Variants in DYRK1A observed in about 807,000 individuals in gnomAD.
DYRK1A encodes dual specificity tyrosine-phosphorylation-regulated kinase 1A.
Under a neutral mutation model 79.7 loss-of-function variants are expected in DYRK1A, and 9 were observed. That is an observed-to-expected ratio of 0.11 (90% CI 0.07 to 0.20). The LOEUF is 0.20. Ranked by LOEUF, DYRK1A falls within the 10% of genes least tolerant of loss-of-function variation. The pLI is 1.00. For synonymous variants in DYRK1A, 349 were observed against 329.7 expected (o/e 1.06, Z -0.63); for missense variants, 622 against 956.0 (o/e 0.65, Z 4.61).
At chr21:37,378,866 A>C (rs1203321189) in intron 1 of DYRK1A, among the ~76,000 whole-genome samples, 1 of 152,182 alleles carries the variant, frequency 6.6e-6, no homozygotes. Context: ...TAAGACAATT[A>C]TGGGGATTCG....
At chr21:37,502,627 G>A (rs867988869) in intron 9 of DYRK1A, 1 of 152,048 alleles carries the variant, frequency 6.6e-6, no homozygotes, top group Non-Finnish European at 1.5e-5. Flanking sequence ...ACACAAAAAA[G>A]AAATTTAAAA....
intron 2 of DYRK1A, among the ~76,000 whole-genome samples, chr21:37,468,114 C>CA (rs1555975547): frequency 1.3e-5 from 2 of 151,716 alleles, no homozygotes; most frequent in Non-Finnish European, 1.5e-5. Flanking sequence ...AACTTACTTA[C>CA]TTTTTTTTTC....
chr21:37,408,236 C>T (rs1209258995), intron 1 of DYRK1A, among the ~76,000 whole-genome samples: 2 of 152,290 alleles, frequency 1.3e-5, no homozygotes, highest in East Asian at 3.9e-4. Context: ...CTGCTTTTGT[C>T]CAGTAGCTCA....
At chr21:37,457,015 T>G (rs1298746883) in intron 2 of DYRK1A, among the ~76,000 whole-genome samples, 1 of 114,778 alleles carries the variant, frequency 8.7e-6, no homozygotes, top group African/African-American at 3.8e-5. Flanking sequence ...AAAGAAAATT[T>G]ACTTACTTAC....
chr21:37,386,432 A>G (rs936665386), intron 1 of DYRK1A, among the ~76,000 whole-genome samples: 1 of 152,158 alleles, frequency 6.6e-6, no homozygotes, highest in Non-Finnish European at 1.5e-5. Flanking sequence ...TCATGGACGA[A>G]ATTGAAGACA....
At chr21:37,405,313 G>T (rs199699426) in intron 1 of DYRK1A, among the ~76,000 whole-genome samples, 1 of 152,102 alleles carries the variant, frequency 6.6e-6, no homozygotes, top group African/African-American at 2.4e-5. Flanking sequence ...GGATGTTTTT[G>T]TTCTTTTATC....
At chr21:37,441,231 T>C (rs1380689057) in intron 2 of DYRK1A, among the ~76,000 whole-genome samples, 2 of 152,192 alleles carry the variant, frequency 1.3e-5, no homozygotes, top group Non-Finnish European at 2.9e-5. Flanking sequence ...TAGCATGATA[T>C]ATCTTTTCCC....
chr21:37,393,385 G>A (rs934505247), intron 1 of DYRK1A, among the ~76,000 whole-genome samples: 1 of 152,242 alleles, frequency 6.6e-6, no homozygotes, highest in African/African-American at 2.4e-5. Context: ...CATTTTTACC[G>A]GAGTTTAATA....
chr21:37,374,155 A>G (rs1308860139), intron 1 of DYRK1A, among the ~76,000 whole-genome samples: 2 of 151,992 alleles, frequency 1.3e-5, no homozygotes, highest in Non-Finnish European at 2.9e-5. Context: ...CACGTAAGCA[A>G]TATTTGAAAT....
At chr21:37,448,532 T>C (rs772677734) in intron 2 of DYRK1A, among the ~76,000 whole-genome samples, 6 of 152,208 alleles carry the variant, frequency 3.9e-5, no homozygotes, top group Non-Finnish European at 8.8e-5. Context: ...GTTTTTATAA[T>C]AATTTGTGGG....
At chr21:37,401,577 G>T (rs1055440930) in intron 1 of DYRK1A, among the ~76,000 whole-genome samples, 3 of 150,900 alleles carry the variant, frequency 2.0e-5, no homozygotes, top group Non-Finnish European at 3.0e-5. Context: ...GCGCCTCCTG[G>T]GTTCAAGCAA....
chr21:37,366,044 T>G (rs917726511), upstream of DYRK1A: 35 of 151,700 alleles, frequency 2.3e-4, no homozygotes, highest in African/African-American at 7.7e-4. Flanking sequence ...CGGCGGTGGC[T>G]CCTCCCCGCC....
intron 2 of DYRK1A, among the ~76,000 whole-genome samples, chr21:37,454,119 G>A (rs1170302182): frequency 1.2e-5 from 1 of 83,356 alleles, no homozygotes; most frequent in East Asian, 5.1e-4. Flanking sequence ...TTGAGACAAG[G>A]TCTCACTGTG....
intron 1 of DYRK1A, chr21:37,375,108 T>C (rs1434592933): frequency 1.3e-5 from 2 of 152,186 alleles, no homozygotes; most frequent in East Asian, 1.9e-4. Context: ...GGAATAGTTA[T>C]CATCTTAAAG....
At chr21:37,472,241 T>C (rs1246845213) in intron 2 of DYRK1A, among the ~76,000 whole-genome samples, 1 of 152,254 alleles carries the variant, frequency 6.6e-6, no homozygotes, top group African/African-American at 2.4e-5. Flanking sequence ...TGGGGAATGC[T>C]GGCGATGTTG....
intron 1 of DYRK1A, among the ~76,000 whole-genome samples, chr21:37,401,648 A>C (rs539993354): frequency 3.2e-4 from 49 of 151,838 alleles, no homozygotes; most frequent in African/African-American, 1.1e-3. Flanking sequence ...ACACCTGGCT[A>C]ATTTTTGTAT....
intron 2 of DYRK1A, among the ~76,000 whole-genome samples, chr21:37,426,657 T>C (rs531861182): frequency 6.6e-6 from 1 of 151,620 alleles, no homozygotes; most frequent in African/African-American, 2.4e-5. Context: ...ACGCCTGTAA[T>C]CTCAGCACTT....
chr21:37,412,335 G>C (rs1186068101), intron 1 of DYRK1A, among the ~76,000 whole-genome samples: 1 of 152,230 alleles, frequency 6.6e-6, no homozygotes, highest in African/African-American at 2.4e-5. Flanking sequence ...TCTCAGAAAA[G>C]TATGTGTAGC....
intron 2 of DYRK1A, among the ~76,000 whole-genome samples, chr21:37,431,803 A>G (rs1457681712): frequency 6.6e-6 from 1 of 152,254 alleles, no homozygotes; most frequent in Non-Finnish European, 1.5e-5. Flanking sequence ...TAGTTGCTTA[A>G]GAAAGATGAC....
Sources: allele counts gnomAD v4.1 joint callset (sites outside exome capture counted in the v4.1 genomes callset), GRCh38; gene constraint gnomAD v4.1.1; transcripts MANE v1.5; gene names NCBI Gene and HGNC (gene_info 2026-07-23, HGNC 2026-07-21).